Variants in MEGF10 observed in about 807,000 individuals in gnomAD.
The protein encoded by MEGF10 is multiple EGF like domains 10.
MEGF10 carries 86 observed loss-of-function variants against 147.5 expected under a neutral mutation model. That is an observed-to-expected ratio of 0.58 (90% CI 0.49 to 0.70). The LOEUF is 0.70. MEGF10 is among the 30% of genes least tolerant of loss of function. MEGF10 has a pLI of 0.00. For synonymous variants in MEGF10, 478 were observed against 525.5 expected, an observed-to-expected ratio of 0.91 and a Z score of 1.24; for missense variants, 1,329 against 1,487.3, an observed-to-expected ratio of 0.89 and a Z score of 1.75.
chr5:127,445,994 T>C lies in MEGF10; in HGVS notation c.2728+301T>C, dbSNP rs549692922. ...TCCAGCCTCAAGCTTTTGTCATATG[T>C]GAGGGGGGTGAGGAGGAAGAGAGGA... On this transcript the variant is annotated intron_variant, in intron 20 of 24. Coordinates refer to ENST00000503335, the MANE Select transcript of MEGF10 (RefSeq NM_001256545.2). 2.0e-5 allele frequency among the ~76,000 whole-genome samples: 3 copies of C among 152,264 alleles called. No homozygotes were observed. The East Asian group carries it at 5.8e-4, about 29-fold the overall frequency.
chr5:127,392,938 GC>G (rs1186466658), intron 5 of MEGF10, among the ~76,000 whole-genome samples: 4 of 152,140 alleles, frequency 2.6e-5, no homozygotes, highest in Non-Finnish European at 4.4e-5. Flanking sequence ...TGGGCATCTT[GC>G]ATCTGAGAGC....
chr5:127,383,214 T>C (rs1763317990), intron 5 of MEGF10, among the ~76,000 whole-genome samples: 1 of 152,214 alleles, frequency 6.6e-6, no homozygotes, highest in Non-Finnish European at 1.5e-5. Flanking sequence ...TGGGAAAAGG[T>C]AAATTTTTTG....
At chr5:127,252,375 C>G in the MEGF10 span, among the ~76,000 whole-genome samples, 6 of 151,602 alleles carry the variant, frequency 4.0e-5, no homozygotes, top group Non-Finnish European at 8.9e-5. Flanking sequence ...TCCAAATACT[C>G]ATAGTAGAAG....
At chr5:127,360,583 C>A (rs987564434) in intron 4 of MEGF10, among the ~76,000 whole-genome samples, 7 of 151,862 alleles carry the variant, frequency 4.6e-5, no homozygotes, top group Non-Finnish European at 5.9e-5. Flanking sequence ...GCATTTCATT[C>A]TTTTACCATT....
At chr5:127,409,568 TC>T (rs1164957312) in intron 8 of MEGF10, 1 of 152,296 alleles carries the variant, frequency 6.6e-6, no homozygotes, top group Non-Finnish European at 1.5e-5. Context: ...AGCTCCCACC[TC>T]ATTCGTCTTA....
intron 10 of MEGF10, among the ~76,000 whole-genome samples, chr5:127,418,868 G>T (rs1764876267): frequency 6.6e-6 from 1 of 152,140 alleles, no homozygotes; most frequent in African/African-American, 2.4e-5. Flanking sequence ...TGCTATGAAG[G>T]CAAAGCTAAT....
chr5:127,326,611 G>A (rs1761046164), intron 1 of MEGF10, among the ~76,000 whole-genome samples: 1 of 152,150 alleles, frequency 6.6e-6, no homozygotes. Flanking sequence ...AAAGCTCCAG[G>A]AAGAACTTAG....
At chr5:127,441,705 G>T (rs1765762761) in intron 18 of MEGF10, among the ~76,000 whole-genome samples, 3 of 152,076 alleles carry the variant, frequency 2.0e-5, no homozygotes, top group African/African-American at 7.2e-5. Context: ...TTCACCAGAG[G>T]TTGTACTCTT....
upstream of MEGF10, among the ~76,000 whole-genome samples, chr5:127,286,636 T>C (rs1433857325): frequency 1.3e-5 from 2 of 148,368 alleles, no homozygotes; most frequent in African/African-American, 5.0e-5. Flanking sequence ...AATCTAAAAA[T>C]CAATAAGCAA....
At chr5:127,420,249 A>G in intron 12 of MEGF10, 42 bp downstream of exon 12, 1 of 1,590,886 alleles carries the variant, frequency 6.3e-7, no homozygotes, top group Non-Finnish European at 8.6e-7. Flanking sequence ...GCCTATGAGG[A>G]ACTGATGTTG....
chr5:127,247,413 G>GA, the MEGF10 span, among the ~76,000 whole-genome samples: 1 of 73,196 alleles, frequency 1.4e-5, no homozygotes, highest in Non-Finnish European at 2.6e-5. Flanking sequence ...AGAAGAAGAA[G>GA]AAGAAGAAGA....
At chr5:127,451,787 A>C (rs1766163250) in intron 22 of MEGF10, among the ~76,000 whole-genome samples, 1 of 152,214 alleles carries the variant, frequency 6.6e-6, no homozygotes, top group Non-Finnish European at 1.5e-5. Context: ...CTCAGGAATA[A>C]TTCTGCATTT....
chr5:127,454,061 A>C (rs1424054915), intron 22 of MEGF10, among the ~76,000 whole-genome samples: 2 of 152,224 alleles, frequency 1.3e-5, no homozygotes, highest in African/African-American at 4.8e-5. Flanking sequence ...TGAAAAGCTG[A>C]ATAAAGAAGG....
At chr5:127,417,579 A>G in intron 9 of MEGF10, 59 bp from the exon 10 acceptor site, 2 of 1,538,146 alleles carry the variant, frequency 1.3e-6, no homozygotes. Context: ...ACATTTGCAC[A>G]GAAGTTGGGT....
intron 5 of MEGF10, among the ~76,000 whole-genome samples, chr5:127,374,193 T>C (rs1215719504): frequency 2.0e-5 from 3 of 152,220 alleles, no homozygotes; most frequent in Non-Finnish European, 4.4e-5. Context: ...GGAGCAGCTA[T>C]TGGCACTGCG....
chr5:127,440,708 T>C lies in MEGF10; in HGVS notation c.2234-31T>C, dbSNP rs1300542417. On this transcript the variant is annotated intron_variant, in intron 17 of 24. Transcript: ENST00000503335. ...CCAAGTGTTTCTCTTCAGCAGCCTC[T>C]TGACTCCTACTGTCCTCCCTCCTCC... The C allele has an allele frequency of 7.4e-6, 12 of 1,610,920 alleles. No individual in the cohort carries two copies. The Admixed American group carries it at 1.5e-4, about 20-fold the overall frequency.
In MEGF10 at chr5:127,457,287, G is replaced by T. The variant is rs1388266650; in HGVS notation, c.3392G>T (p.Ser1131Ile). Residue 1131 changes from serine (S) to isoleucine (I), a missense_variant, in exon 25 of 25, where the codon AGC (serine) becomes ATC (isoleucine). Coordinates refer to ENST00000503335, the MANE Select transcript of MEGF10 (RefSeq NM_001256545.2). ...SSPKQEDSGG[S>I]SSNSSSSSE ...CCTAAGCAAGAGGACAGTGGTGGTAGCAGCAGCAACAGCAGCAGCAGCAGT... is the reference window on the plus strand; with the variant it reads ...CCTAAGCAAGAGGACAGTGGTGGTATCAGCAGCAACAGCAGCAGCAGCAGT... The T allele has an allele frequency of 1.2e-6, 2 of 1,613,420 alleles. No homozygotes were observed. Among genetic ancestry groups the T allele is most frequent in the African/African-American group, 2.7e-5 (2 of 74,924 alleles).
intron 1 of MEGF10, among the ~76,000 whole-genome samples, chr5:127,302,048 AT>A (rs1208144995): frequency 3.3e-5 from 5 of 152,210 alleles, no homozygotes; most frequent in Non-Finnish European, 5.9e-5. Flanking sequence ...ACAAAAAATT[AT>A]TTATCTTAAC....
the MEGF10 span, among the ~76,000 whole-genome samples, chr5:127,285,127 TC>T: frequency 7.7e-4 from 117 of 152,280 alleles, 5 homozygotes; most frequent in Admixed American, 7.2e-4. Flanking sequence ...GAGGAAAGTC[TC>T]CGTTAGAATA....
Sources: allele counts gnomAD v4.1 joint callset (sites outside exome capture counted in the v4.1 genomes callset), GRCh38; gene constraint gnomAD v4.1.1; transcripts MANE v1.5; gene names NCBI Gene and HGNC (gene_info 2026-07-23, HGNC 2026-07-21).